Variants in TGS1 observed in about 807,000 individuals in gnomAD.
TGS1 encodes trimethylguanosine synthase.
Under a neutral mutation model 92.2 loss-of-function variants are expected in TGS1, and 69 were observed. The ratio of observed to expected loss-of-function variants is 0.75; its 90% confidence interval spans 0.62 to 0.91. The LOEUF (loss-of-function observed/expected upper bound fraction) is 0.91, where lower values mean the gene tolerates loss of function less well. Among genes scored for constraint, TGS1 ranks in the 40% least tolerant of loss-of-function variants. The probability of loss-of-function intolerance (pLI) is 0.00; values close to 1 mark genes in which losing one functional copy is unlikely to be tolerated. For missense variants in TGS1, 1,062 were observed against 1,001.2 expected (o/e 1.06, Z -0.82); for synonymous variants, 345 against 338.1 (o/e 1.02, Z -0.22).
In TGS1 at chr8:55,825,677, A is replaced by G. The variant is rs1803775613; in HGVS notation, c.*974A>G. Among the ~76,000 whole-genome samples the G allele has an allele frequency of 6.6e-6, 1 of 152,210 alleles. No individual in the cohort carries two copies. The highest frequency in any genetic ancestry group is 2.4e-5 in the African/African-American group (1 of 41,456). On this transcript the variant is annotated 3_prime_UTR_variant, in exon 13 of 13. Coordinates refer to ENST00000260129, the MANE Select transcript of TGS1 (RefSeq NM_024831.8). ...TTTCCAATAAATACTAGAAAATTAG[A>G]CTAGAAAAATAGCTGTTATATAAAT...
At chr8:55,815,678 T>C (rs1803454837) in intron 12 of TGS1, among the ~76,000 whole-genome samples, 1 of 152,164 alleles carries the variant, frequency 6.6e-6, no homozygotes, top group Admixed American at 6.5e-5. Context: ...AAATACAACT[T>C]ATCTCAAATA....
intron 8 of TGS1, among the ~76,000 whole-genome samples, chr8:55,799,644 C>T (rs537311258): frequency 1.3e-5 from 2 of 152,306 alleles, no homozygotes; most frequent in Admixed American, 1.3e-4. Flanking sequence ...GTGGCACAAT[C>T]ACAGCTCACT....
At chr8:55,822,561 T>TCC (rs1554566551) in intron 12 of TGS1, among the ~76,000 whole-genome samples, 2,859 of 150,802 alleles carry the variant, frequency 0.019, 41 homozygotes, top group Middle Eastern at 0.058. Context: ...TTTTTTTTTT[T>TCC]CCCCCTTTCT....
intron 4 of TGS1, among the ~76,000 whole-genome samples, chr8:55,789,819 AT>A (rs1811822896): frequency 6.6e-6 from 1 of 152,204 alleles, no homozygotes; most frequent in Non-Finnish European, 1.5e-5. Flanking sequence ...CTTGAACACC[AT>A]TTGAATAGTT....
Position 55,802,126 on chromosome 8 carries a change from G to A in TGS1, c.1850-331G>A, listed in dbSNP as rs543925486. ...GGAGAATGGTGTGAACCCGGGAGGC[G>A]GAGCTTGCAGTGAGCCAAGATCGTG... On this transcript the variant is annotated intron_variant, in intron 8 of 12. Transcript: ENST00000260129. Among the ~76,000 whole-genome samples, 163 of 152,226 alleles carry A rather than the reference G, an allele frequency of 1.1e-3. 1 individual carries two copies. The Middle Eastern group carries it at 0.017, about 16-fold the overall frequency.
intron 12 of TGS1, among the ~76,000 whole-genome samples, chr8:55,814,208 T>A (rs4273836): frequency 0.84 from 127,487 of 152,046 alleles, 53,911 homozygotes; most frequent in African/African-American, 0.95. Context: ...TCAGCCTCCC[T>A]AAGTGCTGGG....
At chr8:55,779,862 A>G (rs1811512861) in intron 1 of TGS1, among the ~76,000 whole-genome samples, 1 of 150,232 alleles carries the variant, frequency 6.7e-6, no homozygotes, top group Admixed American at 6.7e-5. Context: ...TTTCATATGT[A>G]TTCTTTTTTT....
At chr8:55,823,886 G>A (rs888954718) in intron 12 of TGS1, among the ~76,000 whole-genome samples, 5 of 152,122 alleles carry the variant, frequency 3.3e-5, no homozygotes, top group Admixed American at 6.5e-5. Context: ...AGGCCGGGCC[G>A]AGCGGATCAC....
At chr8:55,777,068 T>C (rs548276030) in intron 1 of TGS1, among the ~76,000 whole-genome samples, 22 of 151,336 alleles carry the variant, frequency 1.5e-4, no homozygotes, top group African/African-American at 4.9e-4. Flanking sequence ...AGTGCAATGG[T>C]ACAATCACAG....
rs1008236564 is a variant in TGS1 at position 55,826,039 on chromosome 8, A to G, written c.*1336A>G. Among the ~76,000 whole-genome samples the G allele has an allele frequency of 6.6e-6, 1 of 151,660 alleles. No individual in the cohort carries two copies. Among genetic ancestry groups the G allele is most frequent in the African/African-American group, 2.4e-5 (1 of 41,178 alleles). ...CTAATTTTTTATATTTTTAGTAGCT[A>G]TGGGGTTTCACCGTGTTAGCCAGGA... On this transcript the variant is annotated 3_prime_UTR_variant, in exon 13 of 13. Coordinates refer to ENST00000260129, the MANE Select transcript of TGS1 (RefSeq NM_024831.8).
chr8:55,816,154 C>G (rs1249050662), intron 12 of TGS1, among the ~76,000 whole-genome samples: 4 of 152,118 alleles, frequency 2.6e-5, no homozygotes. Flanking sequence ...CTGTATCTTG[C>G]CATGCTTTCC....
chr8:55,813,414 T>G (rs1407252478), intron 12 of TGS1, among the ~76,000 whole-genome samples: 2 of 152,236 alleles, frequency 1.3e-5, no homozygotes. Flanking sequence ...AACTAGCCTT[T>G]TTTTATTTGT....
At chr8:55,822,308 G>GATCC (rs1446403050) in intron 12 of TGS1, among the ~76,000 whole-genome samples, 8 of 151,994 alleles carry the variant, frequency 5.3e-5, no homozygotes, top group African/African-American at 1.9e-4. Flanking sequence ...CTGACCTCGT[G>GATCC]ATCCACCCTC....
chr8:55,815,420 G>C (rs4738461), intron 12 of TGS1, among the ~76,000 whole-genome samples: 127,618 of 152,210 alleles, frequency 0.84, 53,964 homozygotes, highest in African/African-American at 0.95. Context: ...TTTTTAATGA[G>C]AGGAGACAGT....
At chr8:55,823,363 AT>A (rs1170419538) in intron 12 of TGS1, among the ~76,000 whole-genome samples, 1 of 152,224 alleles carries the variant, frequency 6.6e-6, no homozygotes, top group Non-Finnish European at 1.5e-5. Context: ...AATGCTGGTC[AT>A]TTGGCTAGCA....
intron 3 of TGS1, 137 bp from the exon 4 acceptor site, chr8:55,786,101 A>T: frequency 2.8e-6 from 2 of 703,392 alleles, no homozygotes; most frequent in South Asian, 4.4e-5. Flanking sequence ...ATAGTATATC[A>T]CTTGTTTGTG....
At chr8:55,781,132 A>G (rs1381449220) in intron 1 of TGS1, among the ~76,000 whole-genome samples, 2 of 152,182 alleles carry the variant, frequency 1.3e-5, no homozygotes, top group East Asian at 3.9e-4. Context: ...AGTGTTATAT[A>G]TGTGTGTTTT....
intron 10 of TGS1, among the ~76,000 whole-genome samples, chr8:55,807,095 A>ATT (rs1268002768): frequency 3.3e-5 from 5 of 151,418 alleles, no homozygotes; most frequent in African/African-American, 1.2e-4. Context: ...CACCCAGCTA[A>ATT]TTTTTTGTAT....
chr8:55,803,000 C>T (rs2316664), intron 9 of TGS1, among the ~76,000 whole-genome samples: 1 of 151,278 alleles, frequency 6.6e-6, no homozygotes, highest in Non-Finnish European at 1.5e-5. Flanking sequence ...TGTATCATTG[C>T]GTTTATTTTT....
Sources: allele counts gnomAD v4.1 joint callset (sites outside exome capture counted in the v4.1 genomes callset), GRCh38; gene constraint gnomAD v4.1.1; transcripts MANE v1.5; gene names NCBI Gene and HGNC (gene_info 2026-07-23, HGNC 2026-07-21).